The following ARSB variants were observed in gnomAD, a reference collection of about 807,000 sequenced individuals.
ARSB encodes the protein arylsulfatase B, also known as N-acetylgalactosamine-4-sulfatase.
In ARSB, 41 loss-of-function variants were observed where a neutral mutation model predicts 50.9. That is an observed-to-expected ratio of 0.81 (90% CI 0.63 to 1.04). ARSB has a LOEUF of 1.04. Ranked by LOEUF, ARSB falls within the 50% of genes least tolerant of loss-of-function variation. The pLI is 0.00. For synonymous variants in ARSB, 269 were observed against 284.8 expected, an observed-to-expected ratio of 0.94 and a Z score of 0.56; for missense variants, 672 against 693.3, an observed-to-expected ratio of 0.97 and a Z score of 0.35.
chr5:78,959,620 C>T (rs1448487588), intron 3 of ARSB, among the ~76,000 whole-genome samples: 1 of 152,086 alleles, frequency 6.6e-6, no homozygotes, highest in African/African-American at 2.4e-5. Flanking sequence ...CAGTCCATGT[C>T]GGTACTATAG....
Position 78,969,098 on chromosome 5 carries a change from G to A in ARSB, c.407C>T (p.Ala136Val), listed in dbSNP as rs766323878. ...TCCGACCATATGGGTAGTATAACCT[G>A]CTTCTTTTAGGAGCTGGGGCAGGAG... ...EKLLPQLLKEAGYTTHMVGKW... is the reference protein window; with the variant it reads ...EKLLPQLLKEVGYTTHMVGKW... The change falls in exon 2 of 8, where the codon GCA becomes GTA. Residue 136 changes from alanine (A) to valine (V), a missense_variant. Physicochemically the swap from Ala to Val is moderately conservative, Grantham distance 64. Transcript: ENST00000264914. 1 of 1,614,186 alleles carries A rather than the reference G, an allele frequency of 6.2e-7. No homozygotes were observed. The highest frequency in any genetic ancestry group is 1.1e-5 in the South Asian group (1 of 91,082).
Position 78,982,075 on chromosome 5 carries a change from C to T in ARSB, c.312+2862G>A, listed in dbSNP as rs1157291337. On this transcript the variant is annotated intron_variant, in intron 1 of 7. Transcript: ENST00000264914. ...AGTAGCTGGGACTACAGGCGCCCGC[C>T]ACCGCGCCCAGCTAATTTTTTGTAT... 3.4e-5 allele frequency among the ~76,000 whole-genome samples: 3 copies of T among 88,782 alleles called. 1 individual carries two copies. Among genetic ancestry groups the T allele is most frequent in the African/African-American group, 1.1e-4 (3 of 26,530 alleles). The allele number at this position is 88,782 out of a possible 152,430, so 58.2% of individuals were successfully genotyped here.
Position 78,781,946 on chromosome 5 carries a change from C to T in ARSB, c.1242G>A (p.Lys414=). The change falls in exon 7 of 8, where the codon AAG becomes AAA. Residue 414 remains lysine (K), a synonymous_variant. Transcript: ENST00000264914. Reference sequence around the variant, plus strand: ...AATATTCTGGAAGAGAAGAGTCATCCTTTGCTGGAGCCATGCTGTTCCTGG... The same window carrying T: ...AATATTCTGGAAGAGAAGAGTCATCTTTTGCTGGAGCCATGCTGTTCCTGG... ...PCPRNSMAPA[K]DDSSLPEYSA... The T allele has an allele frequency of 6.2e-7, 1 of 1,614,096 alleles. No homozygotes were observed. The highest frequency in any genetic ancestry group is 8.5e-7 in the Non-Finnish European group (1 of 1,179,976).
At chr5:78,953,428 A>G (rs1441502820) in intron 4 of ARSB, among the ~76,000 whole-genome samples, 5 of 152,262 alleles carry the variant, frequency 3.3e-5, no homozygotes, top group African/African-American at 1.2e-4. Flanking sequence ...GTTCCCAGAG[A>G]ATCCATTATC....
intron 3 of ARSB, among the ~76,000 whole-genome samples, chr5:78,960,974 T>A (rs528481831): frequency 2.0e-5 from 3 of 152,346 alleles, no homozygotes; most frequent in Non-Finnish European, 4.4e-5. Flanking sequence ...AGGTTCCTTC[T>A]TAACATATGT....
chr5:78,897,785 T>C (rs1467500941), intron 4 of ARSB, among the ~76,000 whole-genome samples: 1 of 151,824 alleles, frequency 6.6e-6, no homozygotes, highest in African/African-American at 2.4e-5. Flanking sequence ...ATTCTATAAA[T>C]ATAAAATATT....
chr5:78,834,607 G>GTGTGTATACA (rs1185355030), intron 6 of ARSB, among the ~76,000 whole-genome samples: 2 of 85,602 alleles, frequency 2.3e-5, no homozygotes, highest in East Asian at 8.2e-4. Context: ...ATATATATGT[G>GTGTGTATACA]TATATATATA....
At chr5:78,873,498 A>ATTTTTTTTTTTTTTTTTTTTT (rs71001133) in intron 5 of ARSB, among the ~76,000 whole-genome samples, 2 of 93,210 alleles carry the variant, frequency 2.1e-5, no homozygotes, top group Non-Finnish European at 2.1e-5. Context: ...TAAAACTGTA[A>ATTTTTTTTTTTTTTTTTTTTT]TTTTTTTTTT....
chr5:78,844,207 T>G (rs1291432010), intron 5 of ARSB, among the ~76,000 whole-genome samples: 1 of 152,202 alleles, frequency 6.6e-6, no homozygotes, highest in African/African-American at 2.4e-5. Flanking sequence ...TGACAACACT[T>G]ATTAATGTGT....
intron 4 of ARSB, among the ~76,000 whole-genome samples, chr5:78,903,274 C>G (rs1226732402): frequency 6.6e-6 from 1 of 152,160 alleles, no homozygotes; most frequent in East Asian, 1.9e-4. Flanking sequence ...ATCCTACATT[C>G]AGGAAAAGTC....
intron 5 of ARSB, chr5:78,884,263 G>A (rs1747898636): frequency 6.6e-6 from 1 of 152,174 alleles, no homozygotes; most frequent in East Asian, 1.9e-4. Flanking sequence ...TTTACAAAAA[G>A]TTGCAAAAAT....
intron 5 of ARSB, among the ~76,000 whole-genome samples, chr5:78,872,816 T>TAAA (rs56211605): frequency 3.3e-4 from 42 of 128,058 alleles, no homozygotes; most frequent in African/African-American, 8.3e-4. Flanking sequence ...AAAGTATAAT[T>TAAA]AAAAAAAAAA....
At chr5:78,958,599 A>C (rs911470731) in intron 3 of ARSB, among the ~76,000 whole-genome samples, 9 of 152,144 alleles carry the variant, frequency 5.9e-5, no homozygotes, top group Non-Finnish European at 1.5e-5. Flanking sequence ...AAGAATATAA[A>C]TTTTCAGGAC....
chr5:78,907,643 G>T (rs1042495394), intron 4 of ARSB, among the ~76,000 whole-genome samples: 13 of 152,158 alleles, frequency 8.5e-5, no homozygotes, highest in African/African-American at 3.1e-4. Flanking sequence ...TTAAAATTTT[G>T]TTAAGTATTC....
chr5:78,860,811 A>G (rs1050346101), intron 5 of ARSB, among the ~76,000 whole-genome samples: 5 of 152,234 alleles, frequency 3.3e-5, no homozygotes, highest in Non-Finnish European at 7.3e-5. Flanking sequence ...AAAAAAATCA[A>G]TGAATCCAGG....
Position 78,781,844 on chromosome 5 carries a change from GA to G in ARSB, c.1336+7del, listed in dbSNP as rs748129076. On this transcript the variant is annotated splice_region_variant and intron_variant, in intron 7 of 7. Transcript: ENST00000264914. Reference sequence around the variant, plus strand: ...GGGAAGGGAAGTTTGCTAAGCTAAGGACTCTACCTGGGTAGCCCGTGAGGAG... The same window carrying G: ...GGGAAGGGAAGTTTGCTAAGCTAAGGCTCTACCTGGGTAGCCCGTGAGGAG... The G allele has an allele frequency of 1.4e-5, 22 of 1,613,910 alleles. No individual in the cohort carries two copies. The East Asian group carries it at 4.9e-4, about 36-fold the overall frequency.
At chr5:78,896,124 A>AGCTT (rs756205236) in intron 4 of ARSB, among the ~76,000 whole-genome samples, 5 of 152,178 alleles carry the variant, frequency 3.3e-5, no homozygotes, top group Non-Finnish European at 7.3e-5. Flanking sequence ...GGCTTCTCAC[A>AGCTT]CCACAGTGTG....
At chr5:78,924,515 C>T (rs1749964178) in intron 4 of ARSB, among the ~76,000 whole-genome samples, 1 of 152,226 alleles carries the variant, frequency 6.6e-6, no homozygotes, top group Admixed American at 6.5e-5. Context: ...TTTGCCCAGC[C>T]TTGGCTTCCC....
chr5:78,816,240 C>CA (rs2112665715), intron 6 of ARSB: 1 of 1,562,012 alleles, frequency 6.4e-7, no homozygotes, highest in African/African-American at 1.4e-5. Flanking sequence ...TCCTAAAGGG[C>CA]AAGGACTGTC....
Sources: allele counts gnomAD v4.1 joint callset (sites outside exome capture counted in the v4.1 genomes callset), GRCh38; gene constraint gnomAD v4.1.1; transcripts MANE v1.5; gene names NCBI Gene and HGNC (gene_info 2026-07-23, HGNC 2026-07-21).